SYNPR: variants seen among roughly 807,000 people sequenced by gnomAD.
SYNPR encodes synaptoporin.
SYNPR carries 23 observed loss-of-function variants against 32.9 expected under a neutral mutation model. The observed-to-expected ratio is 0.70, with a 90% CI of 0.50 to 0.99. SYNPR has a LOEUF of 0.99. Among genes scored for constraint, SYNPR ranks in the 50% least tolerant of loss-of-function variants. SYNPR has a pLI of 0.00. For missense variants in SYNPR, 318 were observed against 349.3 expected (o/e 0.91, Z 0.71); for synonymous variants, 146 against 135.9 (o/e 1.07, Z -0.52).
the SYNPR span, among the ~76,000 whole-genome samples, chr3:63,211,357 G>A: frequency 3.3e-5 from 5 of 152,130 alleles, no homozygotes; most frequent in East Asian, 3.9e-4. Flanking sequence ...ATGAGCCACC[G>A]TGCCCGGCCA....
At position 63,306,982 on chromosome 3, in the gene SYNPR, T is replaced by C. The variant is rs1370312759; in HGVS notation, c.84+28240T>C. Among the ~76,000 whole-genome samples the C allele has an allele frequency of 2.0e-5, 3 of 152,072 alleles. 1 individual carries two copies. The highest frequency in any genetic ancestry group is 4.1e-4 in the South Asian group (2 of 4,832). On this transcript the variant is annotated intron_variant, in intron 2 of 5. Coordinates refer to ENST00000478300, the MANE Select transcript of SYNPR (RefSeq NM_001130003.2). ...GTTTCTGAGACAATAAGAATAATAA[T>C]TGTCATATACTGAATACTTGGTCTG...
intron 1 of SYNPR, 51 bp from the exon 2 acceptor site, chr3:63,278,626 C>G: frequency 2.6e-6 from 4 of 1,550,682 alleles, no homozygotes; most frequent in Non-Finnish European, 2.6e-6. Flanking sequence ...GAGGCGCCCC[C>G]AGCCCCTTCC....
At chr3:63,410,425 T>C (rs2088446595) in intron 2 of SYNPR, among the ~76,000 whole-genome samples, 1 of 152,168 alleles carries the variant, frequency 6.6e-6, no homozygotes, top group Admixed American at 6.6e-5. Context: ...GTCTGCTCTA[T>C]GTCAGGCAGA....
chr3:63,343,224 G>C (rs1246893109), intron 2 of SYNPR, among the ~76,000 whole-genome samples: 1 of 152,164 alleles, frequency 6.6e-6, no homozygotes, highest in Non-Finnish European at 1.5e-5. Flanking sequence ...TTGGGTCATG[G>C]GAAGGCACTT....
chr3:63,346,090 C>T (rs1325518196), intron 2 of SYNPR, among the ~76,000 whole-genome samples: 1 of 152,206 alleles, frequency 6.6e-6, no homozygotes, highest in Non-Finnish European at 1.5e-5. Flanking sequence ...GCTAGGATTA[C>T]AGGTGTGAGC....
At chr3:63,445,366 T>G (rs1204224867) in intron 2 of SYNPR, among the ~76,000 whole-genome samples, 1 of 152,182 alleles carries the variant, frequency 6.6e-6, no homozygotes, top group Non-Finnish European at 1.5e-5. Context: ...TCGGGATCCT[T>G]AGTTGGAGTT....
intron 1 of SYNPR, among the ~76,000 whole-genome samples, chr3:63,250,106 G>A (rs1376883202): frequency 7.9e-5 from 12 of 152,014 alleles, no homozygotes; most frequent in African/African-American, 2.9e-4. Context: ...ATAGGTTCTA[G>A]GGTTCTATAG....
chr3:63,456,764 C>G (rs530109322), intron 2 of SYNPR, among the ~76,000 whole-genome samples: 1 of 151,846 alleles, frequency 6.6e-6, no homozygotes, highest in Non-Finnish European at 1.5e-5. Context: ...GAGGTCTTGC[C>G]GCTTGTCCCA....
intron 3 of SYNPR, among the ~76,000 whole-genome samples, chr3:63,518,099 AT>A (rs1409694872): frequency 3.3e-5 from 5 of 152,120 alleles, no homozygotes; most frequent in Non-Finnish European, 7.4e-5. Flanking sequence ...TTATATGACC[AT>A]ACACAATATC....
At chr3:63,371,733 G>A (rs1029188164) in intron 2 of SYNPR, among the ~76,000 whole-genome samples, 1 of 152,206 alleles carries the variant, frequency 6.6e-6, no homozygotes, top group Non-Finnish European at 1.5e-5. Flanking sequence ...CACTGAGTGG[G>A]ACCCTGGACC....
intron 1 of SYNPR, among the ~76,000 whole-genome samples, chr3:63,239,397 C>G (rs117943722): frequency 6.6e-6 from 1 of 151,360 alleles, no homozygotes; most frequent in Non-Finnish European, 1.5e-5. Context: ...TGCACCCACC[C>G]TACCATTGTC....
intron 3 of SYNPR, among the ~76,000 whole-genome samples, chr3:63,540,233 A>C (rs1702274810): frequency 6.6e-6 from 1 of 152,106 alleles, no homozygotes; most frequent in African/African-American, 2.4e-5. Flanking sequence ...TGTTATTATC[A>C]CCTTAATTAT....
At chr3:63,285,699 G>C (rs1459997823) in intron 2 of SYNPR, among the ~76,000 whole-genome samples, 1 of 152,182 alleles carries the variant, frequency 6.6e-6, no homozygotes, top group Non-Finnish European at 1.5e-5. Flanking sequence ...GAAAAAAAGA[G>C]AAAAGGGTCA....
Position 63,576,579 on chromosome 3 carries a change from C to T in SYNPR, c.408+19838C>T, listed in dbSNP as rs185256208. Among the ~76,000 whole-genome samples, 828 of 152,064 alleles carry T rather than the reference C, an allele frequency of 5.4e-3. 11 individuals carry two copies. Among genetic ancestry groups the T allele is most frequent in the African/African-American group, 0.018 (764 of 41,500 alleles). On this transcript the variant is annotated intron_variant, in intron 4 of 5. Transcript: ENST00000478300. ...GGCTGAGGCAGGCGGATCACGAGGTCAGGAGATCGAGAACATCCTGGCTAA... is the reference window on the plus strand; with the variant it reads ...GGCTGAGGCAGGCGGATCACGAGGTTAGGAGATCGAGAACATCCTGGCTAA...
chr3:63,571,648 T>A (rs1702888640), intron 4 of SYNPR, among the ~76,000 whole-genome samples: 1 of 152,184 alleles, frequency 6.6e-6, no homozygotes, highest in South Asian at 2.1e-4. Context: ...GTATTTCTTT[T>A]CTACCACGTG....
intron 3 of SYNPR, among the ~76,000 whole-genome samples, chr3:63,501,220 T>C (rs1382745559): frequency 1.3e-5 from 2 of 152,090 alleles, no homozygotes; most frequent in African/African-American, 4.8e-5. Flanking sequence ...GGCTCACGCC[T>C]GTAATCTCAG....
At chr3:63,491,998 G>A (rs1244076073) in intron 3 of SYNPR, among the ~76,000 whole-genome samples, 1 of 152,128 alleles carries the variant, frequency 6.6e-6, no homozygotes, top group East Asian at 1.9e-4. Flanking sequence ...AGAGCCCAAG[G>A]TGGAACCTGT....
chr3:63,411,531 AC>A (rs2088465295), intron 2 of SYNPR, among the ~76,000 whole-genome samples: 1 of 152,172 alleles, frequency 6.6e-6, no homozygotes, highest in South Asian at 2.1e-4. Flanking sequence ...AAAGTTATAT[AC>A]ACATAACGAC....
At chr3:63,453,662 T>C (rs1361229219) in intron 2 of SYNPR, among the ~76,000 whole-genome samples, 1 of 152,154 alleles carries the variant, frequency 6.6e-6, no homozygotes, top group Non-Finnish European at 1.5e-5. Flanking sequence ...GAATGGGTAC[T>C]TTGGATCCAC....
Sources: gnomAD v4.1 joint callset for allele counts (sites outside exome capture counted in the v4.1 genomes callset) on GRCh38, gnomAD v4.1.1 for gene constraint, MANE v1.5 for transcripts, NCBI Gene and HGNC (gene_info 2026-07-23, HGNC 2026-07-21) for gene names.